ZNF577: variants seen among roughly 807,000 people sequenced by gnomAD.
The protein encoded by ZNF577 is zinc finger protein 577.
ZNF577 carries 14 observed loss-of-function variants against 13.9 expected under a neutral mutation model. That is an observed-to-expected ratio of 1.00 (90% CI 0.66 to 1.57). The LOEUF is 1.57. Ranked by LOEUF, ZNF577 falls within the 40% of genes most tolerant of loss-of-function variation. The pLI is 0.00. For missense variants in ZNF577, 555 were observed against 579.2 expected, an observed-to-expected ratio of 0.96 and a Z score of 0.43; for synonymous variants, 203 against 202.9, an observed-to-expected ratio of 1.00 and a Z score of 0.00.
intron 6 of ZNF577, chr19:51,844,734 C>G (rs2084341293): frequency 6.6e-6 from 1 of 152,168 alleles, no homozygotes; most frequent in African/African-American, 2.4e-5. Context: ...TAAAAATCTA[C>G]TGGGAAGTAA....
rs1216196649 is a variant in ZNF577 at position 51,858,926 on chromosome 19, C to G, written c.284-13995G>C. Among the ~76,000 whole-genome samples the G allele has an allele frequency of 3.3e-5, 5 of 152,186 alleles. No individual in the cohort carries two copies. In the South Asian group the frequency reaches 1.0e-3, roughly 31 times the overall value. On this transcript the variant is annotated intron_variant and NMD_transcript_variant, in intron 5 of 10. Coordinates refer to the ZNF577 transcript ENST00000638827. Reference sequence around the variant, plus strand: ...ATTCACAATATTATGCAACCACCATCTCTATCTAGTTCAAAAACATTTTCA... The same window carrying G: ...ATTCACAATATTATGCAACCACCATGTCTATCTAGTTCAAAAACATTTTCA...
downstream of ZNF577, among the ~76,000 whole-genome samples, chr19:51,866,411 C>A (rs528173596): frequency 6.6e-6 from 1 of 152,190 alleles, no homozygotes; most frequent in African/African-American, 2.4e-5. Context: ...CCACCCCCAG[C>A]TGACAGCCAG....
rs557662574 is a variant in ZNF577 at position 51,825,687 on chromosome 19, C to T, written c.*600-14013G>A. On this transcript the variant is annotated intron_variant and NMD_transcript_variant, in intron 9 of 10. Coordinates refer to the ZNF577 transcript ENST00000638827. Reference sequence around the variant, plus strand: ...TCATTTAACCTTGGTCACATTGAGTCATTCCAGGATGAGTGGCTCAAGTAT... The same window carrying T: ...TCATTTAACCTTGGTCACATTGAGTTATTCCAGGATGAGTGGCTCAAGTAT... The T allele has an allele frequency of 1.8e-5, 3 of 167,208 alleles. No homozygotes were observed. The Admixed American group carries it at 2.0e-4, about 11-fold the overall frequency. 10.4% of individuals were successfully genotyped at this position (167,208 alleles called of 1,614,324 possible). A position where few individuals can be genotyped will look rare whatever the true frequency, so the allele number is the denominator to read the frequency against.
chr19:51,831,117 A>T (rs2084258906), intron 9 of ZNF577, among the ~76,000 whole-genome samples: 1 of 152,002 alleles, frequency 6.6e-6, no homozygotes, highest in African/African-American at 2.4e-5. Context: ...TCTTTATTTT[A>T]TTTATTTATT....
At chr19:51,863,098 T>C (rs774787972), downstream of ZNF577, 1 of 152,244 alleles carries the variant, frequency 6.6e-6, no homozygotes, top group Non-Finnish European at 1.5e-5. Flanking sequence ...TGTTTGAGTT[T>C]GCTGATGAGC....
chr19:51,845,494 A>G (rs894891174), intron 5 of ZNF577, among the ~76,000 whole-genome samples: 2 of 152,164 alleles, frequency 1.3e-5, no homozygotes, highest in Admixed American at 1.3e-4. Flanking sequence ...TGCCTCAAAA[A>G]AAAAAAGAAA....
chr19:51,886,093 G>A (rs2084941493), intron 1 of ZNF577: 1 of 152,080 alleles, frequency 6.6e-6, no homozygotes, highest in African/African-American at 2.4e-5. Flanking sequence ...GCACATCTAT[G>A]ATGTTTTTAA....
chr19:51,808,421 T>G (rs1245216352), intron 10 of ZNF577, among the ~76,000 whole-genome samples: 2 of 152,188 alleles, frequency 1.3e-5, no homozygotes, highest in African/African-American at 4.8e-5. Context: ...GATGTAGGTT[T>G]TGATCTGTAG....
chr19:51,882,114 C>T (rs1157455086), intron 1 of ZNF577, among the ~76,000 whole-genome samples: 1 of 152,146 alleles, frequency 6.6e-6, no homozygotes, highest in Non-Finnish European at 1.5e-5. Flanking sequence ...AGTCCAAAAA[C>T]AGTGGTACCC....
At position 51,871,528 on chromosome 19, in the gene ZNF577, C is replaced by A. The variant is rs1021554765; in HGVS notation, c.*1004G>T. On this transcript the variant is annotated 3_prime_UTR_variant, in exon 6 of 6. Coordinates refer to ENST00000638348, the MANE Select transcript of ZNF577 (RefSeq NM_001370449.1). ...GACATTTAGGAGTTATTTTCCAGTGCTGATGTGATTTTAACATTTCAAGAG... is the reference window on the plus strand; with the variant it reads ...GACATTTAGGAGTTATTTTCCAGTGATGATGTGATTTTAACATTTCAAGAG... 2 of 152,162 alleles carry A rather than the reference C, an allele frequency of 1.3e-5. No individual in the cohort carries two copies. The highest frequency in any genetic ancestry group is 4.8e-5 in the African/African-American group (2 of 41,436). The allele number at this position is 152,162 out of a possible 1,614,324, so 9.4% of individuals were successfully genotyped here. A position where few individuals can be genotyped will look rare whatever the true frequency, so the allele number is the denominator to read the frequency against.
intron 9 of ZNF577, among the ~76,000 whole-genome samples, chr19:51,828,368 A>G (rs1294687801): frequency 3.4e-5 from 3 of 87,104 alleles, no homozygotes; most frequent in Non-Finnish European, 7.0e-5. Flanking sequence ...ATTCCATCTC[A>G]AAAAAAAAAA....
chr19:51,879,620 C>T (rs988426116), intron 3 of ZNF577, among the ~76,000 whole-genome samples: 3 of 152,066 alleles, frequency 2.0e-5, no homozygotes, highest in Non-Finnish European at 4.4e-5. Context: ...TATAAGTATA[C>T]ACAAGTATGT....
At chr19:51,836,289 T>C (rs553820389) in intron 9 of ZNF577, among the ~76,000 whole-genome samples, 79 of 152,342 alleles carry the variant, frequency 5.2e-4, no homozygotes, top group African/African-American at 1.7e-3. Flanking sequence ...TTTTTTGCCT[T>C]TATTGTCAGA....
At chr19:51,883,758 T>G (rs191097969) in intron 1 of ZNF577, among the ~76,000 whole-genome samples, 2 of 152,168 alleles carry the variant, frequency 1.3e-5, no homozygotes, top group East Asian at 3.9e-4. Flanking sequence ...AAAAACTGAA[T>G]GTGGACTAAC....
At chr19:51,877,081 A>G (rs2084776829) in intron 5 of ZNF577, among the ~76,000 whole-genome samples, 1 of 152,244 alleles carries the variant, frequency 6.6e-6, no homozygotes, top group Admixed American at 6.5e-5. Flanking sequence ...TCAGATCCAG[A>G]AAATAGAAGA....
chr19:51,883,152 C>T (rs1026843377), intron 1 of ZNF577, among the ~76,000 whole-genome samples: 7 of 152,080 alleles, frequency 4.6e-5, no homozygotes, highest in South Asian at 2.1e-4. Context: ...ACCACCACGC[C>T]CGGCTAATTT....
chr19:51,878,199 G>A (rs1010705375), intron 4 of ZNF577, 190 bp downstream of exon 4: 21 of 441,142 alleles, frequency 4.8e-5, no homozygotes, highest in East Asian at 1.8e-4. Context: ...CACTATGTGC[G>A]CGAATGCATT....
chr19:51,827,626 A>T (rs186880710), intron 9 of ZNF577, among the ~76,000 whole-genome samples: 8 of 152,284 alleles, frequency 5.3e-5, no homozygotes, highest in Non-Finnish European at 7.4e-5. Context: ...TCCCATCCTC[A>T]TGTCCACAGT....
At chr19:51,878,559 A>G (rs1422993120) in intron 3 of ZNF577, 44 bp from the exon 4 acceptor site, 1 of 1,610,206 alleles carries the variant, frequency 6.2e-7, no homozygotes, top group South Asian at 1.1e-5. Context: ...ATAACAATAG[A>G]TGATGCGGAG....
Sources: gnomAD v4.1 joint callset for allele counts (sites outside exome capture counted in the v4.1 genomes callset) on GRCh38, gnomAD v4.1.1 for gene constraint, MANE v1.5 for transcripts, NCBI Gene and HGNC (gene_info 2026-07-23, HGNC 2026-07-21) for gene names.